PAQR3: variants seen among roughly 807,000 people sequenced by gnomAD.
PAQR3 encodes Raf kinase trapping to Golgi.
PAQR3 carries 39 observed loss-of-function variants against 41.7 expected under a neutral mutation model. The ratio of observed to expected loss-of-function variants is 0.93; its 90% CI spans 0.72 to 1.22. PAQR3 has a LOEUF of 1.22. Ranked by LOEUF, PAQR3 falls within the 50% of genes most tolerant of loss-of-function variation. The pLI is 0.00. For synonymous variants in PAQR3, 140 were observed against 140.6 expected (o/e 1.00, Z 0.03); for missense variants, 366 against 385.6 (o/e 0.95, Z 0.42).
chr4:78,918,715 A>T lies in PAQR3; in HGVS notation c.*1824T>A, dbSNP rs1247432486. The T allele has an allele frequency of 7.2e-6, 7 of 970,574 alleles. No homozygotes were observed. In the African/African-American group the frequency reaches 1.1e-4, roughly 15 times the overall value. The allele number at this position is 970,574 out of a possible 1,614,324, so 60.1% of individuals were successfully genotyped here. The stretch of plus-strand genomic sequence containing the variant: ...TGATTCAATGTTTTTTTATTTTGAG[A>T]AAGTTTTATAATAAAAATGGCTCCA... On this transcript the variant is annotated 3_prime_UTR_variant, in exon 6 of 6. Transcript: ENST00000512733.
chr4:78,911,689 G>T, downstream of PAQR3: 1 of 1,613,928 alleles, frequency 6.2e-7, no homozygotes, highest in Non-Finnish European at 8.5e-7. Flanking sequence ...CATTAGTGTT[G>T]CACTGACTGA....
rs910983355 is a variant in PAQR3, at chr4:78,922,410, G to A, written c.793+1447C>T. On this transcript the variant is annotated intron_variant, in intron 5 of 5. Transcript: ENST00000512733. ...GGTACAATCCCTTCTCTGATTCACC[G>A]TGGAAGTGATTCTTAACCCAGGAAG... The A allele has an allele frequency of 1.9e-5, 25 of 1,288,706 alleles. No homozygotes were observed. The East Asian group carries it at 5.0e-4, about 26-fold the overall frequency. 79.8% of individuals were successfully genotyped at this position (1,288,706 alleles called of 1,614,324 possible).
chr4:78,935,061 A>T, intron 2 of PAQR3, 60 bp downstream of exon 2: 1 of 1,550,274 alleles, frequency 6.5e-7, no homozygotes, highest in Non-Finnish European at 8.8e-7. Context: ...AGGTCACCTG[A>T]CCAAGACTGC....
chr4:78,894,110 G>T (rs1443005305), intron 11 of PAQR3, among the ~76,000 whole-genome samples: 1 of 152,194 alleles, frequency 6.6e-6, no homozygotes, highest in Admixed American at 6.5e-5. Flanking sequence ...TCCAGGCTTT[G>T]TTATTTCATT....
intron 10 of PAQR3, among the ~76,000 whole-genome samples, chr4:78,906,797 TAG>T (rs1418031699): frequency 6.6e-6 from 1 of 152,178 alleles, no homozygotes; most frequent in Non-Finnish European, 1.5e-5. Flanking sequence ...ATGATGATGG[TAG>T]AGTGCTTATT....
intron 11 of PAQR3, among the ~76,000 whole-genome samples, chr4:78,899,508 G>T (rs1347805904): frequency 2.0e-5 from 3 of 152,128 alleles, no homozygotes; most frequent in Non-Finnish European, 2.9e-5. Flanking sequence ...GGTAGTTCAT[G>T]CCAGTTAGAA....
rs1735298438 is a variant in PAQR3, at chr4:78,918,330, TAAC to T, written c.*2206_*2208del. On this transcript the variant is annotated 3_prime_UTR_variant, in exon 6 of 6. Transcript: ENST00000512733. ...ACAACTTTAAAATATTTTTTAATGT[TAAC>T]AATGTCTTCAAAATTTTACCAGTAG... is the stretch of plus-strand genomic sequence containing the variant. The T allele has an allele frequency of 1.0e-6, 1 of 974,390 alleles. No homozygotes were observed. Among genetic ancestry groups the T allele is most frequent in the African/African-American group, 1.8e-5 (1 of 56,946 alleles). The allele number at this position is 974,390 out of a possible 1,614,324, so 60.4% of individuals were successfully genotyped here.
chr4:78,925,407 A>T (rs904632900), intron 4 of PAQR3, among the ~76,000 whole-genome samples: 2 of 152,186 alleles, frequency 1.3e-5, no homozygotes, highest in Admixed American at 1.3e-4. Context: ...TTTCACAGAT[A>T]GGAGGATTCC....
At chr4:78,895,131 C>G (rs1200853032) in intron 11 of PAQR3, among the ~76,000 whole-genome samples, 1 of 152,010 alleles carries the variant, frequency 6.6e-6, no homozygotes, top group African/African-American at 2.4e-5. Flanking sequence ...GTAAGAATTA[C>G]CAGAATGTGA....
At chr4:78,906,296 G>T (rs1346299771) in intron 10 of PAQR3, 5 of 152,132 alleles carry the variant, frequency 3.3e-5, no homozygotes, top group Non-Finnish European at 2.9e-5. Flanking sequence ...AGTGTGGGTT[G>T]CAAGAATATG....
rs1737798956 is a variant in PAQR3, at chr4:78,939,336, A to G, written c.-112T>C. On this transcript the variant is annotated 5_prime_UTR_variant, in exon 1 of 6. Coordinates refer to ENST00000512733, the MANE Select transcript of PAQR3 (RefSeq NM_001040202.2). ...CCCCGGAGCCCGCGGACGCTGCGCG[A>G]GGTCCTACCGCGCTGCCGCTGCTGC... 38 of 1,002,030 alleles carry G rather than the reference A, an allele frequency of 3.8e-5. No individual in the cohort carries two copies. The highest frequency in any genetic ancestry group is 5.0e-5 in the Non-Finnish European group (37 of 737,072). The allele number at this position is 1,002,030 out of a possible 1,614,324, so 62.1% of individuals were successfully genotyped here.
At chr4:78,891,324 T>G (rs1378931446) in intron 11 of PAQR3, among the ~76,000 whole-genome samples, 1 of 152,148 alleles carries the variant, frequency 6.6e-6, no homozygotes, top group Non-Finnish European at 1.5e-5. Context: ...CCATGGACAT[T>G]TGTAGCATCT....
chr4:78,939,359 T>G lies in PAQR3; in HGVS notation c.-135A>C, dbSNP rs1737805160. 2.8e-6 allele frequency: 2 copies of G among 723,442 alleles called. No individual in the cohort carries two copies. The highest frequency in any genetic ancestry group is 3.8e-5 in the African/African-American group (2 of 52,334). 44.8% of individuals were successfully genotyped at this position (723,442 alleles called of 1,614,324 possible). On this transcript the variant is annotated 5_prime_UTR_variant, in exon 1 of 6. Transcript: ENST00000512733. ...CGAGGTCCTACCGCGCTGCCGCTGCTGCCCAGGGCCCGGCTCTGCGCTCAC... is the reference window on the plus strand; with the variant it reads ...CGAGGTCCTACCGCGCTGCCGCTGCGGCCCAGGGCCCGGCTCTGCGCTCAC...
chr4:78,925,071 A>G (rs1488930334), intron 4 of PAQR3, among the ~76,000 whole-genome samples: 1 of 152,142 alleles, frequency 6.6e-6, no homozygotes, highest in African/African-American at 2.4e-5. Flanking sequence ...AATTTCTGTG[A>G]AAGTTTCCCT....
intron 11 of PAQR3, among the ~76,000 whole-genome samples, chr4:78,901,312 C>T (rs1280135724): frequency 6.6e-6 from 1 of 151,976 alleles, no homozygotes; most frequent in African/African-American, 2.4e-5. Flanking sequence ...CCTTTTACCT[C>T]AGCCTCCCAA....
intron 11 of PAQR3, among the ~76,000 whole-genome samples, chr4:78,889,026 C>A (rs1001572968): frequency 3.3e-5 from 5 of 152,046 alleles, no homozygotes; most frequent in Admixed American, 2.0e-4. Flanking sequence ...TCAAGACCAT[C>A]CTGGCTAACA....
At position 78,920,719 on chromosome 4, in the gene PAQR3, A is replaced by G. The variant is rs200867110; in HGVS notation, c.794-38T>C. On this transcript the variant is annotated intron_variant, in intron 5 of 5. Coordinates refer to ENST00000512733, the MANE Select transcript of PAQR3 (RefSeq NM_001040202.2). ...TAGAAAGAAAATGATAATGATTTCAATATGTTGACATTAAAGGAAAAATAT... is the reference window on the plus strand; with the variant it reads ...TAGAAAGAAAATGATAATGATTTCAGTATGTTGACATTAAAGGAAAAATAT... The G allele has an allele frequency of 6.3e-6, 10 of 1,578,278 alleles. No individual in the cohort carries two copies. In the Admixed American group the frequency reaches 8.9e-5, roughly 14 times the overall value.
intron 2 of PAQR3, among the ~76,000 whole-genome samples, chr4:78,930,889 T>C (rs868763967): frequency 0.027 from 3,586 of 130,762 alleles, 103 homozygotes; most frequent in African/African-American, 0.08. Context: ...ATTATATATA[T>C]ATATATATAT....
Position 78,913,195 on chromosome 4 carries a change from AT to A in PAQR3, c.*7343del, listed in dbSNP as rs930298807. ...AATGGTGACACCCACAAAGCCTTAT[AT>A]AAAGGCAGGATTCATGCATCCTGCT... On this transcript the variant is annotated 3_prime_UTR_variant, in exon 6 of 6. Coordinates refer to ENST00000512733, the MANE Select transcript of PAQR3 (RefSeq NM_001040202.2). The A allele has an allele frequency of 4.6e-5, 7 of 152,172 alleles. No individual in the cohort carries two copies. Among genetic ancestry groups the A allele is most frequent in the Admixed American group, 4.6e-4 (7 of 15,272 alleles). The allele number at this position is 152,172 out of a possible 1,614,324, so 9.4% of individuals were successfully genotyped here.
Sources: gnomAD v4.1 joint callset for allele counts (sites outside exome capture counted in the v4.1 genomes callset) on GRCh38, gnomAD v4.1.1 for gene constraint, MANE v1.5 for transcripts, NCBI Gene and HGNC (gene_info 2026-07-23, HGNC 2026-07-21) for gene names.